The following ADAMTS3 variants were observed in gnomAD, a reference collection of about 807,000 sequenced individuals.
The protein encoded by ADAMTS3 is ADAM metallopeptidase with thrombospondin type 1 motif 3.
Under a neutral mutation model 129.0 loss-of-function variants are expected in ADAMTS3, and 73 were observed. That is an observed-to-expected ratio of 0.57 (90% confidence interval 0.47 to 0.69). The LOEUF (loss-of-function observed/expected upper bound fraction) is 0.69, where lower values mean the gene tolerates loss of function less well. ADAMTS3 is among the 30% of genes least tolerant of loss of function. The probability of loss-of-function intolerance (pLI) is 0.00; values close to 1 mark genes in which losing one functional copy is unlikely to be tolerated. For synonymous variants in ADAMTS3, 477 were observed against 510.8 expected (o/e 0.93, Z 0.89); for missense variants, 1,457 against 1,514.5 (o/e 0.96, Z 0.63).
At chr4:72,534,878 G>A (rs1477836693) in intron 3 of ADAMTS3, among the ~76,000 whole-genome samples, 1 of 152,126 alleles carries the variant, frequency 6.6e-6, no homozygotes. Flanking sequence ...GACCAAAATG[G>A]CTCAAAGAGT....
intron 3 of ADAMTS3, among the ~76,000 whole-genome samples, chr4:72,432,949 G>A (rs1246205723): frequency 6.6e-6 from 1 of 151,816 alleles, no homozygotes; most frequent in African/African-American, 2.4e-5. Flanking sequence ...TTCTACATTG[G>A]AACAGCATCC....
chr4:72,549,984 AAGAAGAAGAGGAAGAG>A (rs1721578955), intron 2 of ADAMTS3, among the ~76,000 whole-genome samples: 1 of 29,568 alleles, frequency 3.4e-5, no homozygotes, highest in Non-Finnish European at 6.4e-5. Flanking sequence ...GAAGAAGAAG[AAGAAGAAGAGGAAGAG>A]GAAGAAGAAG....
At chr4:72,320,605 G>A in intron 7 of ADAMTS3, 109 bp downstream of exon 7, 1 of 1,134,278 alleles carries the variant, frequency 8.8e-7, no homozygotes, top group Non-Finnish European at 1.3e-6. Context: ...GCCGGTGTGT[G>A]GTGGAAAGCA....
intron 1 of ADAMTS3, chr4:72,568,050 A>C (rs1262900446): frequency 6.5e-6 from 1 of 153,038 alleles, no homozygotes; most frequent in Non-Finnish European, 1.5e-5. Flanking sequence ...AGTTGTGCAG[A>C]GGGGGAGGGG....
At chr4:72,550,372 A>G (rs1419830129) in intron 2 of ADAMTS3, among the ~76,000 whole-genome samples, 1 of 152,110 alleles carries the variant, frequency 6.6e-6, no homozygotes, top group African/African-American at 2.4e-5. Flanking sequence ...TGCTTTTTAA[A>G]AACCTCAGGC....
At chr4:72,415,768 G>A (rs1022099219) in intron 3 of ADAMTS3, among the ~76,000 whole-genome samples, 1 of 151,858 alleles carries the variant, frequency 6.6e-6, no homozygotes, top group Non-Finnish European at 1.5e-5. Context: ...GAAAAATGAT[G>A]TTTTTTTCTA....
At chr4:72,289,464 C>T (rs1281830490) in intron 20 of ADAMTS3, among the ~76,000 whole-genome samples, 1 of 152,144 alleles carries the variant, frequency 6.6e-6, no homozygotes, top group Non-Finnish European at 1.5e-5. Context: ...GTTTACTGCT[C>T]TAAAACTAAG....
At chr4:72,292,538 G>C (rs955161030) in intron 19 of ADAMTS3, among the ~76,000 whole-genome samples, 2 of 152,074 alleles carry the variant, frequency 1.3e-5, no homozygotes, top group Non-Finnish European at 2.9e-5. Context: ...TATTAACCAG[G>C]GGACATTCCC....
At position 72,414,937 on chromosome 4, in the gene ADAMTS3, A is replaced by G. The variant is rs1412044204; in HGVS notation, c.539T>C (p.Phe180Ser). 1 of 1,561,188 alleles carries G rather than the reference A, an allele frequency of 6.4e-7. No homozygotes were observed. The highest frequency in any genetic ancestry group is 8.6e-7 in the Non-Finnish European group (1 of 1,158,112). Residue 180 changes from phenylalanine (F) to serine (S), a missense_variant, in exon 4 of 22, where the codon TTC becomes TCC. By Grantham distance (155) the Phe-to-Ser change is radical. Transcript: ENST00000286657. ...GMIKSDNEEY[F>S]IEPLERGKQM... is the part of the protein sequence containing the mutation. ...TTTACCTCTTTCCAAGGGTTCAATG[A>G]AATACTCTTCATTATCACTTTTTAT... is the stretch of plus-strand genomic sequence containing the variant.
chr4:72,364,653 C>T (rs72863704), intron 4 of ADAMTS3, among the ~76,000 whole-genome samples: 3,732 of 150,010 alleles, frequency 0.025, 157 homozygotes, highest in African/African-American at 0.087. Context: ...CATAAGAAAA[C>T]AAATGAAAAA....
At chr4:72,412,041 G>C (rs1489683865) in intron 4 of ADAMTS3, among the ~76,000 whole-genome samples, 1 of 152,054 alleles carries the variant, frequency 6.6e-6, no homozygotes, top group Admixed American at 6.6e-5. Context: ...AATGTAGCTA[G>C]CCAATTACTG....
chr4:72,326,447 G>A (rs1719701093), intron 5 of ADAMTS3, among the ~76,000 whole-genome samples: 1 of 152,026 alleles, frequency 6.6e-6, no homozygotes, highest in South Asian at 2.1e-4. Flanking sequence ...ATAAGAGCTG[G>A]AGAAATAATA....
chr4:72,309,487 T>C lies in ADAMTS3; in HGVS notation c.2089A>G (p.Lys697Glu). 1 of 1,611,890 alleles carries C rather than the reference T, an allele frequency of 6.2e-7. No homozygotes were observed. The highest frequency in any genetic ancestry group is 8.5e-7 in the Non-Finnish European group (1 of 1,178,458). Reference sequence around the variant, plus strand: ...CAGACACCACACTTATCCTCAACCTTATTAGAACCAATTTCTTTATCACAG... The same window carrying C: ...CAGACACCACACTTATCCTCAACCTCATTAGAACCAATTTCTTTATCACAG... ...VGCDKEIGSN[K>E]VEDKCGVCGG... is the part of the protein sequence containing the mutation. The change falls in exon 15 of 22, where the codon AAG becomes GAG. Residue 697 changes from lysine to glutamate, a missense_variant. Transcript: ENST00000286657.
chr4:72,331,499 C>T (rs1719849821), intron 5 of ADAMTS3, among the ~76,000 whole-genome samples: 2 of 152,066 alleles, frequency 1.3e-5, no homozygotes, highest in African/African-American at 4.8e-5. Flanking sequence ...GATCAAGTCA[C>T]TAATCTTAAA....
Position 72,397,269 on chromosome 4 carries a change from T to A in ADAMTS3, c.661+17546A>T, listed in dbSNP as rs562081691. On this transcript the variant is annotated intron_variant, in intron 4 of 21. Coordinates refer to ENST00000286657, the MANE Select transcript of ADAMTS3 (RefSeq NM_014243.3). ...TAACCGTTCTTACCCGAGACAAATA[T>A]AAGAAAAGTATATCAGCCGGGCGCA... Among the ~76,000 whole-genome samples the A allele has an allele frequency of 1.8e-4, 27 of 152,108 alleles. 1 individual carries two copies. The highest frequency in any genetic ancestry group is 1.2e-3 in the Admixed American group (18 of 15,254).
intron 3 of ADAMTS3, among the ~76,000 whole-genome samples, chr4:72,484,057 G>T (rs1040606522): frequency 1.3e-5 from 2 of 152,046 alleles, no homozygotes; most frequent in South Asian, 4.2e-4. Flanking sequence ...GCATTTGTTT[G>T]TTCTATTTAT....
At chr4:72,386,917 AT>A (rs1391005875) in intron 4 of ADAMTS3, among the ~76,000 whole-genome samples, 3 of 152,320 alleles carry the variant, frequency 2.0e-5, no homozygotes, top group Non-Finnish European at 4.4e-5. Context: ...TGACCTTCCT[AT>A]TTTAAAAATA....
intron 3 of ADAMTS3, among the ~76,000 whole-genome samples, chr4:72,465,858 G>A (rs1209302982): frequency 6.6e-6 from 1 of 151,908 alleles, no homozygotes; most frequent in African/African-American, 2.4e-5. Context: ...GAGATCTAAT[G>A]GTTTTATAAA....
chr4:72,410,362 C>A (rs1250708088), intron 4 of ADAMTS3, among the ~76,000 whole-genome samples: 1 of 152,126 alleles, frequency 6.6e-6, no homozygotes, highest in East Asian at 1.9e-4. Flanking sequence ...GACAACCACA[C>A]CAGCAACACA....
Sources: allele counts gnomAD v4.1 joint callset (sites outside exome capture counted in the v4.1 genomes callset), GRCh38; gene constraint gnomAD v4.1.1; transcripts MANE v1.5; gene names NCBI Gene and HGNC (gene_info 2026-07-23, HGNC 2026-07-21).